Variants in PIEZO1 observed in about 807,000 individuals in gnomAD.
PIEZO1 encodes the protein piezo type mechanosensitive ion channel component 1 (Er blood group).
PIEZO1 carries 296 observed loss-of-function variants against 297.2 expected under a neutral mutation model. The observed-to-expected ratio is 1.00, with a 90% CI of 0.91 to 1.10. The LOEUF (loss-of-function observed/expected upper bound fraction) is 1.10, where lower values mean the gene tolerates loss of function less well. PIEZO1 is among the 50% of genes least tolerant of loss of function. The pLI is 0.00. For missense variants in PIEZO1, 5,018 were observed against 3,455.5 expected (o/e 1.45, Z -11.34); for synonymous variants, 2,427 against 1,507.5 (o/e 1.61, Z -14.13).
intron 4 of PIEZO1, 48 bp from the exon 5 acceptor site, chr16:88,741,664 G>C: frequency 6.6e-7 from 1 of 1,515,480 alleles, no homozygotes; most frequent in Non-Finnish European, 8.8e-7. Context: ...GGACAGGTGT[G>C]GGTGTGAGTG....
chr16:88,727,575 T>TG lies in PIEZO1; in HGVS notation c.3282dup (p.Asn1095GlnfsTer25). 1.3e-6 allele frequency: 2 copies of TG among 1,510,880 alleles called. No homozygotes were observed. Among genetic ancestry groups the TG allele is most frequent in the Non-Finnish European group, 1.8e-6 (2 of 1,119,974 alleles). The allele number at this position is 1,510,880 out of a possible 1,614,324, so 93.6% of individuals were successfully genotyped here. On this transcript the variant is annotated frameshift_variant, in exon 23 of 51. Coordinates refer to ENST00000301015, the MANE Select transcript of PIEZO1 (RefSeq NM_001142864.4). LOFTEE classifies it high-confidence loss of function. Reference sequence around the variant, plus strand: ...CACTCACTGATGAGGTTGGTGGAGTTGGGGGCCCGGAAGAAATCAGGCAGG... The same window carrying TG: ...CACTCACTGATGAGGTTGGTGGAGTTGGGGGGCCCGGAAGAAATCAGGCAGG...
intron 44 of PIEZO1, chr16:88,717,951 T>C (rs1912169100): frequency 8.2e-6 from 3 of 364,254 alleles, no homozygotes. Flanking sequence ...GGCCTGGTGG[T>C]GCACACCTGT....
At position 88,717,210 on chromosome 16, in the gene PIEZO1, T is replaced by A. The variant is rs200506892; in HGVS notation, c.6473A>T (p.Lys2158Ile). Residue 2158 changes from lysine to isoleucine, a missense_variant and splice_region_variant, in exon 45 of 51, where the codon AAA becomes ATA. Transcript: ENST00000301015. ...IIKCSRETEK[K>I]YPQPKGQKKK... ...CTTCTGCCCTTTGGGCTGCGGGTAT[T>A]TCTGGAGGGGAACGACACAGGTCAT... The A allele has an allele frequency of 1.3e-6, 2 of 1,548,386 alleles. No homozygotes were observed. Among genetic ancestry groups the A allele is most frequent in the Middle Eastern group, 1.7e-4 (1 of 5,994 alleles).
At chr16:88,742,687 C>T in intron 2 of PIEZO1, 1 of 485,222 alleles carries the variant, frequency 2.1e-6, no homozygotes, top group Non-Finnish European at 3.7e-6. Context: ...AAAAGGCCTC[C>T]CAGGCTCAGA....
Position 88,733,294 on chromosome 16 carries a change from G to C in PIEZO1, c.2648C>G (p.Ser883Cys), listed in dbSNP as rs1457051208. Residue 883 changes from serine (S) to cysteine (C), a missense_variant, in exon 19 of 51, where the codon TCC becomes TGC. By Grantham distance (112) the Ser-to-Cys change is moderately radical. Coordinates refer to ENST00000301015, the MANE Select transcript of PIEZO1 (RefSeq NM_001142864.4). ...GGCCGGTACCTCGGTGCAGTTGCTGGAATACTCCTGGGGGTTGACAACCTT... is the reference window on the plus strand; with the variant it reads ...GGCCGGTACCTCGGTGCAGTTGCTGCAATACTCCTGGGGGTTGACAACCTT... ...QLKVVNPQEY[S>C]SNCTEPFPNS... 8 of 1,542,778 alleles carry C rather than the reference G, an allele frequency of 5.2e-6. No individual in the cohort carries two copies. The highest frequency in any genetic ancestry group is 6.1e-6 in the Non-Finnish European group (7 of 1,140,732).
Position 88,732,510 on chromosome 16 carries a change from A to G in PIEZO1, c.2816T>C (p.Leu939Pro). The change falls in exon 21 of 51, where the codon CTG (leucine) becomes CCG (proline). Residue 939 changes from leucine (L) to proline (P), a missense_variant. Transcript: ENST00000301015. ...IQNHLQVLLL[L>P]VFEAIVYRRQ... ...CCGGTACACGATGGCCTCGAATACC[A>G]GCAGCAGCAGCACTTGCAGGTGGTT... is the stretch of plus-strand genomic sequence containing the variant. 1 of 1,545,542 alleles carries G rather than the reference A, an allele frequency of 6.5e-7. No homozygotes were observed. The highest frequency in any genetic ancestry group is 8.7e-7 in the Non-Finnish European group (1 of 1,143,214).
At chr16:88,725,545 C>T (rs1301317515) in intron 28 of PIEZO1, 26 bp from the exon 29 acceptor site, 3 of 1,536,272 alleles carry the variant, frequency 2.0e-6, no homozygotes, top group Non-Finnish European at 2.6e-6. Flanking sequence ...GTGGGGTATG[C>T]TGAGCATTGG....
rs565251638 is a variant in PIEZO1, at chr16:88,764,583, G to A, written c.65-15104C>T. Among the ~76,000 whole-genome samples, 21 of 151,700 alleles carry A rather than the reference G, an allele frequency of 1.4e-4. No homozygotes were observed. The South Asian group carries it at 3.5e-3, about 25-fold the overall frequency. ...CTGGCCAACATGACGAAACCCCGTC[G>A]CTACTAAAAATACAAAAATTAGCCG... On this transcript the variant is annotated intron_variant, in intron 1 of 50. Transcript: ENST00000301015.
intron 1 of PIEZO1, among the ~76,000 whole-genome samples, chr16:88,761,813 G>A (rs1334110545): frequency 2.0e-5 from 3 of 148,238 alleles, no homozygotes; most frequent in Non-Finnish European, 3.0e-5. Context: ...AGCGCTGCCA[G>A]GGTGTGGAGG....
In PIEZO1 at chr16:88,723,276, T is replaced by G. The variant is rs1486622663; in HGVS notation, c.4388A>C (p.Gln1463Pro). ...TNAQAVLRRR[Q>P]QEQEQARQEQ... is the part of the protein sequence containing the mutation. ...CTGCCTTGCCTGCTCCTGCTCCTGC[T>G]GCCGCCGCCTCAGCACCGCCTGGGC... The change falls in exon 32 of 51, where the codon CAG (glutamine) becomes CCG (proline). Residue 1463 changes from glutamine to proline, a missense_variant. Physicochemically the swap from Gln to Pro is moderately conservative, Grantham distance 76. Transcript: ENST00000301015. 2.8e-5 allele frequency: 43 copies of G among 1,542,742 alleles called. No homozygotes were observed. Among genetic ancestry groups the G allele is most frequent in the Non-Finnish European group, 3.7e-5 (43 of 1,146,776 alleles).
At chr16:88,723,557 A>G (rs1904300474) in intron 31 of PIEZO1, among the ~76,000 whole-genome samples, 1 of 152,234 alleles carries the variant, frequency 6.6e-6, no homozygotes, top group Admixed American at 6.5e-5. Flanking sequence ...CCAGGGGCCC[A>G]AAGATGGACC....
intron 6 of PIEZO1, 39 bp from the exon 7 acceptor site, chr16:88,738,479 G>A (rs1905408882): frequency 5.2e-6 from 8 of 1,530,924 alleles, no homozygotes; most frequent in South Asian, 1.2e-5. Context: ...CCTGGCCAGT[G>A]CCATGTGTCC....
At position 88,777,731 on chromosome 16, in the gene PIEZO1, G is replaced by A. The variant is rs1597490265; in HGVS notation, c.64+7170C>T. 3.3e-5 allele frequency among the ~76,000 whole-genome samples: 5 copies of A among 152,370 alleles called. 1 individual carries two copies. The highest frequency in any genetic ancestry group is 3.3e-4 in the Admixed American group (5 of 15,310). ...TGGCTGAGCTGCGTAAAGGCAGACA[G>A]TGGGGGTCCCAGGCGACAGATTGCA... On this transcript the variant is annotated intron_variant, in intron 1 of 50. Coordinates refer to ENST00000301015, the MANE Select transcript of PIEZO1 (RefSeq NM_001142864.4).
intron 1 of PIEZO1, among the ~76,000 whole-genome samples, chr16:88,754,727 G>A (rs914773175): frequency 3.3e-5 from 5 of 152,212 alleles, no homozygotes; most frequent in Non-Finnish European, 4.4e-5. Context: ...CAGCCGGTGC[G>A]GCCTGTGTGT....
intron 42 of PIEZO1, 25 bp downstream of exon 42, chr16:88,720,044 C>A: frequency 1.3e-6 from 2 of 1,549,606 alleles, no homozygotes; most frequent in Non-Finnish European, 1.7e-6. Context: ...CCCTGGAGAC[C>A]GAGCGCCCCC....
At chr16:88,754,958 A>C (rs1309844798) in intron 1 of PIEZO1, among the ~76,000 whole-genome samples, 1 of 152,238 alleles carries the variant, frequency 6.6e-6, no homozygotes, top group East Asian at 1.9e-4. Context: ...CCCCAGGCCC[A>C]GCAGCTGAAC....
At chr16:88,765,308 T>C (rs1487240911) in intron 1 of PIEZO1, among the ~76,000 whole-genome samples, 1 of 152,126 alleles carries the variant, frequency 6.6e-6, no homozygotes, top group Non-Finnish European at 1.5e-5. Context: ...CTGGTCACAC[T>C]CCCTTCAGAA....
At chr16:88,717,472 C>G (rs755254144) in intron 44 of PIEZO1, 6 of 598,878 alleles carry the variant, frequency 1.0e-5, no homozygotes, top group South Asian at 1.6e-5. Context: ...CAACACGGTG[C>G]AGGCACCGCC....
At position 88,725,524 on chromosome 16, in the gene PIEZO1, G is replaced by A. The variant is rs1294146479; in HGVS notation, c.4059-5C>T. On this transcript the variant is annotated splice_region_variant and splice_polypyrimidine_tract_variant and intron_variant, in intron 28 of 50. Transcript: ENST00000301015. Reference sequence around the variant, plus strand: ...TTGGCACGGATACGCTCCATCCTGTGGTGGGGAAAGGTGGGGTATGCTGAG... The same window carrying A: ...TTGGCACGGATACGCTCCATCCTGTAGTGGGGAAAGGTGGGGTATGCTGAG... The A allele has an allele frequency of 2.6e-6, 4 of 1,535,436 alleles. No homozygotes were observed. The highest frequency in any genetic ancestry group is 2.0e-5 in the Admixed American group (1 of 50,170).
Sources: allele counts gnomAD v4.1 joint callset (sites outside exome capture counted in the v4.1 genomes callset), GRCh38; gene constraint gnomAD v4.1.1; transcripts MANE v1.5; gene names NCBI Gene and HGNC (gene_info 2026-07-23, HGNC 2026-07-21).